Variants in STRBP observed in about 807,000 individuals in gnomAD.
STRBP encodes the protein spermatid perinuclear RNA binding protein.
A neutral mutation model predicts 80.1 loss-of-function variants in STRBP; 13 were observed. The ratio of observed to expected loss-of-function variants is 0.16; its 90% CI spans 0.11 to 0.26. The LOEUF (loss-of-function observed/expected upper bound fraction) is 0.26. STRBP is among the 10% of genes least tolerant of loss of function. STRBP has a pLI of 1.00. For synonymous variants in STRBP, 284 were observed against 291.2 expected (o/e 0.98, Z 0.25); for missense variants, 485 against 815.2 (o/e 0.59, Z 4.93).
At chr9:123,228,307 A>G (rs1478538081) in intron 2 of STRBP, among the ~76,000 whole-genome samples, 1 of 152,242 alleles carries the variant, frequency 6.6e-6, no homozygotes, top group African/African-American at 2.4e-5. Flanking sequence ...TCTAGGTTAG[A>G]GATATCAACT....
chr9:123,172,012 C>T (rs180960821), intron 5 of STRBP, among the ~76,000 whole-genome samples: 23 of 152,292 alleles, frequency 1.5e-4, no homozygotes, highest in Admixed American at 9.8e-4. Flanking sequence ...GTGATCTGCA[C>T]AGAGAAAGCT....
At chr9:123,256,430 C>T (rs913773873) in intron 1 of STRBP, among the ~76,000 whole-genome samples, 4 of 152,010 alleles carry the variant, frequency 2.6e-5, no homozygotes, top group Non-Finnish European at 4.4e-5. Flanking sequence ...GAAACTGCGA[C>T]GTTAGAGGAA....
At chr9:123,230,470 G>A (rs2040366237) in intron 2 of STRBP, among the ~76,000 whole-genome samples, 1 of 152,086 alleles carries the variant, frequency 6.6e-6, no homozygotes, top group Non-Finnish European at 1.5e-5. Flanking sequence ...ACACTTCTGG[G>A]AAGATAGTAA....
chr9:123,211,651 T>C (rs2039712530), intron 2 of STRBP, among the ~76,000 whole-genome samples: 1 of 152,204 alleles, frequency 6.6e-6, no homozygotes, highest in Non-Finnish European at 1.5e-5. Flanking sequence ...TAAATTAAGT[T>C]TTGGTCTTCC....
intron 3 of STRBP, chr9:123,111,633 G>A: frequency 2.1e-6 from 1 of 477,530 alleles, no homozygotes; most frequent in Non-Finnish European, 4.4e-6. Context: ...TGGAGCCACA[G>A]CACGTGACTT....
chr9:123,119,704 C>T (rs531629750), downstream of STRBP, among the ~76,000 whole-genome samples: 31 of 152,230 alleles, frequency 2.0e-4, no homozygotes, highest in Middle Eastern at 6.8e-3. Context: ...ATCCTCACCT[C>T]GGCCAACCAT....
At chr9:123,197,581 T>TA (rs2039140150) in intron 2 of STRBP, among the ~76,000 whole-genome samples, 1 of 151,864 alleles carries the variant, frequency 6.6e-6, no homozygotes, top group African/African-American at 2.4e-5. Context: ...AGCTTTCACT[T>TA]ACTCATAGCT....
At chr9:123,200,403 T>C (rs1199282198) in intron 2 of STRBP, among the ~76,000 whole-genome samples, 1 of 152,124 alleles carries the variant, frequency 6.6e-6, no homozygotes, top group Non-Finnish European at 1.5e-5. Context: ...CTTTCCTAGT[T>C]TTCTAATTAG....
chr9:123,238,779 TATTTTTACACACAAA>T (rs1345651762), intron 1 of STRBP, among the ~76,000 whole-genome samples: 1 of 152,202 alleles, frequency 6.6e-6, no homozygotes, highest in Non-Finnish European at 1.5e-5. Flanking sequence ...AGAGCTTTAT[TATTTTTACACACAAA>T]AGAGAAAAGC....
At chr9:123,112,165 G>C (rs2035577963) in intron 3 of STRBP, 1 of 166,370 alleles carries the variant, frequency 6.0e-6, no homozygotes, top group African/African-American at 2.4e-5. Flanking sequence ...GACAAGGCTG[G>C]GCCCCGTGAA....
intron 2 of STRBP, among the ~76,000 whole-genome samples, chr9:123,206,824 G>A (rs1265555705): frequency 6.6e-6 from 1 of 152,028 alleles, no homozygotes; most frequent in Non-Finnish European, 1.5e-5. Flanking sequence ...TTTTAGTAGA[G>A]ACGGGGTTTC....
chr9:123,179,785 C>T (rs972140752), intron 3 of STRBP, among the ~76,000 whole-genome samples: 22 of 152,036 alleles, frequency 1.4e-4, no homozygotes, highest in African/African-American at 5.3e-4. Context: ...TTAGCTGAAC[C>T]TACACATTCT....
chr9:123,121,925 A>G lies in STRBP; in HGVS notation c.*3672T>C, dbSNP rs776039188. ...AAACAGGTATGTGTGTGTAATTTAC[A>G]TACGTGTTATATCCTAAGTTTCTAC... On this transcript the variant is annotated 3_prime_UTR_variant, in exon 19 of 19. Coordinates refer to ENST00000348403, the MANE Select transcript of STRBP (RefSeq NM_018387.5). The G allele has an allele frequency of 1.3e-5, 2 of 149,050 alleles. No homozygotes were observed. Among genetic ancestry groups the G allele is most frequent in the African/African-American group, 5.2e-5 (2 of 38,398 alleles). 9.2% of individuals were successfully genotyped at this position (149,050 alleles called of 1,614,324 possible). A position where few individuals can be genotyped will look rare whatever the true frequency, so the allele number is the denominator to read the frequency against.
intron 1 of STRBP, among the ~76,000 whole-genome samples, chr9:123,248,918 A>G (rs970171024): frequency 6.6e-6 from 1 of 152,248 alleles, no homozygotes; most frequent in Non-Finnish European, 1.5e-5. Flanking sequence ...TCATATCTTT[A>G]GCAGTACCTA....
chr9:123,129,180 G>A (rs1484201570), intron 17 of STRBP, among the ~76,000 whole-genome samples: 1 of 151,920 alleles, frequency 6.6e-6, no homozygotes, highest in Non-Finnish European at 1.5e-5. Context: ...AATATAGTGA[G>A]ACTCCATCTC....
At chr9:123,243,212 A>G (rs183208554) in intron 1 of STRBP, among the ~76,000 whole-genome samples, 1 of 151,602 alleles carries the variant, frequency 6.6e-6, no homozygotes, top group East Asian at 1.9e-4. Context: ...ATTAAATGGA[A>G]GAAGGATAGC....
intron 1 of STRBP, among the ~76,000 whole-genome samples, chr9:123,243,458 C>T (rs1318918034): frequency 2.0e-5 from 3 of 152,016 alleles, no homozygotes; most frequent in Non-Finnish European, 4.4e-5. Flanking sequence ...AAAGGAAAAC[C>T]TGATAAACTA....
At chr9:123,253,921 A>C (rs1402640120) in intron 1 of STRBP, among the ~76,000 whole-genome samples, 2 of 152,182 alleles carry the variant, frequency 1.3e-5, no homozygotes, top group Non-Finnish European at 2.9e-5. Context: ...AAGGGGTTTT[A>C]TTTTGAAGTG....
At chr9:123,233,973 G>A (rs112462295) in intron 2 of STRBP, among the ~76,000 whole-genome samples, 3 of 152,048 alleles carry the variant, frequency 2.0e-5, no homozygotes, top group African/African-American at 7.2e-5. Flanking sequence ...GGCCAAGGCG[G>A]GCAGATCACG....
Sources: allele counts gnomAD v4.1 joint callset (sites outside exome capture counted in the v4.1 genomes callset), GRCh38; gene constraint gnomAD v4.1.1; transcripts MANE v1.5; gene names NCBI Gene and HGNC (gene_info 2026-07-23, HGNC 2026-07-21).